TTC7B: variants seen among roughly 807,000 people sequenced by gnomAD.
The protein encoded by TTC7B is tetratricopeptide repeat domain 7B, also known as tetratricopeptide repeat protein 7B.
Under a neutral mutation model 106.8 loss-of-function variants are expected in TTC7B, and 28 were observed. The ratio of observed to expected loss-of-function variants is 0.26; its 90% CI spans 0.19 to 0.36. TTC7B has a LOEUF of 0.36. Among genes scored for constraint, TTC7B ranks in the 10% least tolerant of loss-of-function variants. The probability of loss-of-function intolerance (pLI) is 1.00; values close to 1 mark genes in which losing one functional copy is unlikely to be tolerated. For missense variants in TTC7B, 862 were observed against 1,076.4 expected (o/e 0.80, Z 2.79); for synonymous variants, 405 against 430.6 (o/e 0.94, Z 0.74).
chr14:90,763,751 T>C (rs1303877513), intron 3 of TTC7B, among the ~76,000 whole-genome samples: 8 of 152,140 alleles, frequency 5.3e-5, no homozygotes, highest in African/African-American at 9.7e-5. Flanking sequence ...GTTTCACTTA[T>C]AATAACATAA....
At chr14:90,646,699 C>T in intron 14 of TTC7B, 1 of 482,214 alleles carries the variant, frequency 2.1e-6, no homozygotes. Context: ...GCCATCTGAC[C>T]CTAGCTTGGG....
At chr14:90,635,676 C>T (rs780194340) in intron 15 of TTC7B, among the ~76,000 whole-genome samples, 2 of 149,872 alleles carry the variant, frequency 1.3e-5, no homozygotes, top group African/African-American at 2.5e-5. Context: ...AGGAGGATGG[C>T]GTGAACCCAG....
intron 6 of TTC7B, among the ~76,000 whole-genome samples, chr14:90,695,038 T>G (rs1887664366): frequency 2.4e-5 from 1 of 41,260 alleles, no homozygotes; most frequent in Non-Finnish European, 4.9e-5. Context: ...TATTTTTTAT[T>G]TTATTATAAA....
intron 5 of TTC7B, among the ~76,000 whole-genome samples, chr14:90,699,740 C>T (rs145051874): frequency 3.3e-5 from 5 of 152,318 alleles, no homozygotes; most frequent in African/African-American, 9.6e-5. Context: ...ACCAGCACTC[C>T]TGAAATGCTG....
intron 15 of TTC7B, among the ~76,000 whole-genome samples, chr14:90,634,640 C>T (rs1279422207): frequency 2.0e-5 from 3 of 152,044 alleles, no homozygotes; most frequent in Admixed American, 6.6e-5. Flanking sequence ...GGTGTGGTGA[C>T]ATGTGCCTGT....
intron 15 of TTC7B, among the ~76,000 whole-genome samples, chr14:90,642,003 G>C (rs1040962750): frequency 6.6e-6 from 1 of 151,986 alleles, no homozygotes; most frequent in Non-Finnish European, 1.5e-5. Flanking sequence ...AAATATTGAT[G>C]AGAGACACTG....
In TTC7B at chr14:90,808,948, G is replaced by A. The variant is rs916281923; in HGVS notation, c.121+7227C>T. On this transcript the variant is annotated intron_variant, in intron 1 of 19. Coordinates refer to ENST00000328459, the MANE Select transcript of TTC7B (RefSeq NM_001010854.2). This position sits in a 1 kb window ranked among gnomAD's most constrained non-coding sequence, Gnocchi z 4.2. ...AAGTAAGAGGTGTACCAGTTAGAACGCCTTCAGCAGCCAGTAACGACCAAA... is the reference window on the plus strand; with the variant it reads ...AAGTAAGAGGTGTACCAGTTAGAACACCTTCAGCAGCCAGTAACGACCAAA... 1.3e-5 allele frequency among the ~76,000 whole-genome samples: 2 copies of A among 152,202 alleles called. No homozygotes were observed. The highest frequency in any genetic ancestry group is 4.8e-5 in the African/African-American group (2 of 41,454).
intron 15 of TTC7B, among the ~76,000 whole-genome samples, chr14:90,631,287 C>G (rs1884692348): frequency 6.6e-6 from 1 of 152,096 alleles, no homozygotes; most frequent in Non-Finnish European, 1.5e-5. Context: ...TAGATCTGTT[C>G]AAGTCCCTGT....
At chr14:90,665,887 A>G (rs1459979271) in intron 9 of TTC7B, among the ~76,000 whole-genome samples, 1 of 152,228 alleles carries the variant, frequency 6.6e-6, no homozygotes, top group South Asian at 2.1e-4. Context: ...GTTTTTAAAC[A>G]TGATATATAC....
In TTC7B at chr14:90,812,046, A is replaced by T. The variant is rs539029992; in HGVS notation, c.121+4129T>A. Among the ~76,000 whole-genome samples the T allele has an allele frequency of 3.0e-4, 46 of 152,222 alleles. No homozygotes were observed. In the South Asian group the frequency reaches 8.9e-3, roughly 30 times the overall value. ...CCTGGCCTACCTTGCCCAGGGTCAC[A>T]AGGGGTCAGCTGCAGGGAACCAACC... On this transcript the variant is annotated intron_variant, in intron 1 of 19. Transcript: ENST00000328459.
At chr14:90,813,294 C>T (rs1398428634) in intron 1 of TTC7B, among the ~76,000 whole-genome samples, 1 of 152,196 alleles carries the variant, frequency 6.6e-6, no homozygotes, top group Admixed American at 6.5e-5. Context: ...ACCCTGTAAA[C>T]TTTACCTAAT....
chr14:90,796,881 T>C (rs1204486249), intron 1 of TTC7B, among the ~76,000 whole-genome samples: 1 of 150,938 alleles, frequency 6.6e-6, no homozygotes, highest in Non-Finnish European at 1.5e-5. Flanking sequence ...ACAGTCTCGC[T>C]CTGTCACCCA....
chr14:90,652,774 C>T (rs1885783853), intron 13 of TTC7B, 67 bp downstream of exon 13: 2 of 1,548,498 alleles, frequency 1.3e-6, no homozygotes, highest in African/African-American at 1.4e-5. Flanking sequence ...AATATCTCTT[C>T]TTTTTATACT....
intron 18 of TTC7B, among the ~76,000 whole-genome samples, chr14:90,582,907 T>C (rs1161764977): frequency 6.6e-6 from 1 of 152,066 alleles, no homozygotes; most frequent in African/African-American, 2.4e-5. Flanking sequence ...GAGTTGGAGA[T>C]AAAAAGGAAA....
At chr14:90,551,353 T>G (rs775658220) in intron 19 of TTC7B, among the ~76,000 whole-genome samples, 4 of 152,148 alleles carry the variant, frequency 2.6e-5, no homozygotes, top group Admixed American at 1.3e-4. Flanking sequence ...TCAGGGGCTA[T>G]GTCCATGGTA....
intron 6 of TTC7B, 66 bp downstream of exon 6, chr14:90,695,434 T>C (rs1187402970): frequency 3.5e-6 from 3 of 859,194 alleles, no homozygotes; most frequent in Non-Finnish European, 5.1e-6. Context: ...TGTAAAAAAA[T>C]ATGAATGTAA....
intron 3 of TTC7B, among the ~76,000 whole-genome samples, chr14:90,760,956 ACC>A (rs2140016766): frequency 6.6e-6 from 1 of 152,142 alleles, no homozygotes; most frequent in African/African-American, 2.4e-5. Flanking sequence ...TCTTCCCTCT[ACC>A]CTCCAAGGAA....
At chr14:90,796,155 C>A (rs896391506) in intron 1 of TTC7B, among the ~76,000 whole-genome samples, 1 of 152,170 alleles carries the variant, frequency 6.6e-6, no homozygotes, top group African/African-American at 2.4e-5. Context: ...CCACTTAACC[C>A]CTCTGGGGCA....
Position 90,663,963 on chromosome 14 carries a change from C to T in TTC7B, c.1153-5576G>A, listed in dbSNP as rs1029812050. Among the ~76,000 whole-genome samples the T allele has an allele frequency of 6.6e-6, 1 of 152,302 alleles. No individual in the cohort carries two copies. Among genetic ancestry groups the T allele is most frequent in the Middle Eastern group, 3.4e-3 (1 of 294 alleles). On this transcript the variant is annotated intron_variant, in intron 9 of 19. Transcript: ENST00000328459. This position sits in a 1 kb window ranked among gnomAD's most constrained non-coding sequence, Gnocchi z 4.5. ...TGCCTGGATATATAACATGTCCTCCCCTATGTTTCTGTAAACATGAAGATT... is the reference window on the plus strand; with the variant it reads ...TGCCTGGATATATAACATGTCCTCCTCTATGTTTCTGTAAACATGAAGATT...
Sources: allele counts gnomAD v4.1 joint callset (sites outside exome capture counted in the v4.1 genomes callset), GRCh38; gene constraint gnomAD v4.1.1; non-coding constraint Gnocchi (gnomAD v3.1); transcripts MANE v1.5; gene names NCBI Gene and HGNC (gene_info 2026-07-23, HGNC 2026-07-21).